The following WNK2 variants were observed in gnomAD, a reference collection of about 807,000 sequenced individuals.
WNK2 encodes serine/threonine-protein kinase WNK2.
A neutral mutation model predicts 192.1 loss-of-function variants in WNK2; 67 were observed. The ratio of observed to expected loss-of-function variants is 0.35; its 90% confidence interval spans 0.29 to 0.43. The LOEUF (loss-of-function observed/expected upper bound fraction) is 0.43, where lower values mean the gene tolerates loss of function less well. Among genes scored for constraint, WNK2 ranks in the 20% least tolerant of loss-of-function variants. WNK2 has a pLI of 1.00. For synonymous variants in WNK2, 1,439 were observed against 1,393.9 expected (o/e 1.03, Z -0.72); for missense variants, 2,698 against 3,089.7 (o/e 0.87, Z 3.01).
chr9:93,292,198 G>A, intron 21 of WNK2, 110 bp from the exon 22 acceptor site: 2 of 1,110,300 alleles, frequency 1.8e-6, no homozygotes, highest in South Asian at 1.3e-5. Context: ...TGTCCTGCCT[G>A]TCTGGAGGCA....
intron 2 of WNK2, among the ~76,000 whole-genome samples, chr9:93,206,758 G>A (rs75932720): frequency 0.011 from 1,747 of 152,266 alleles, 43 homozygotes; most frequent in Admixed American, 0.051. Context: ...TCTTGGGGAG[G>A]GCAGCCAGAA....
Position 93,260,579 on chromosome 9 carries a change from C to T in WNK2, c.3066+965C>T, listed in dbSNP as rs905098381. Among the ~76,000 whole-genome samples, 8 of 152,314 alleles carry T rather than the reference C, an allele frequency of 5.3e-5. No individual in the cohort carries two copies. The South Asian group carries it at 6.2e-4, about 12-fold the overall frequency. The stretch of plus-strand genomic sequence containing the variant: ...CCTGGTGCCAGGTGCCCCCCAGCTC[C>T]GTTAGTGCTGAATCCAGACTGGAGT... On this transcript the variant is annotated intron_variant, in intron 12 of 29. Transcript: ENST00000427277.
intron 2 of WNK2, among the ~76,000 whole-genome samples, chr9:93,220,609 G>A (rs529319383): frequency 9.8e-5 from 15 of 152,330 alleles, no homozygotes; most frequent in Admixed American, 9.8e-4. Context: ...TCTCCCTGAG[G>A]CCCTAGCTGG....
At chr9:93,250,091 TTAATACAAAAATAA>T (rs1842345474) in intron 8 of WNK2, among the ~76,000 whole-genome samples, 1 of 151,700 alleles carries the variant, frequency 6.6e-6, no homozygotes, top group Non-Finnish European at 1.5e-5. Context: ...TTTTTGTATT[TTAATACAAAAATAA>T]TAATACAAAA....
intron 24 of WNK2, 106 bp downstream of exon 24, chr9:93,298,173 C>G (rs1419579440): frequency 8.1e-7 from 1 of 1,233,538 alleles, no homozygotes; most frequent in Admixed American, 2.1e-5. Flanking sequence ...CCTGGAAGAC[C>G]ACTCGGGGTT....
rs1407281814 is a variant in WNK2 at position 93,292,911 on chromosome 9, G to T, written c.5446G>T (p.Ala1816Ser). 2.6e-6 allele frequency: 4 copies of T among 1,523,846 alleles called. No homozygotes were observed. The highest frequency in any genetic ancestry group is 3.5e-6 in the Non-Finnish European group (4 of 1,136,350). 94.4% of individuals were successfully genotyped at this position (1,523,846 alleles called of 1,614,324 possible). ...SSDSGDEGPR[A>S]RPPVQKQASL... ...CGACTCTGGGGACGAGGGCCCTCGG[G>T]CGAGACCCCCGGTGCAGAAGCAGGC... The change falls in exon 23 of 30, where the codon GCG becomes TCG. Residue 1816 changes from alanine (A) to serine (S), a missense_variant. By Grantham distance (99) the Ala-to-Ser change is moderately conservative (BLOSUM62 1). Coordinates refer to ENST00000427277, the MANE Select transcript of WNK2 (RefSeq NM_006648.4).
At chr9:93,190,239 C>G (rs1830088209) in intron 2 of WNK2, among the ~76,000 whole-genome samples, 1 of 152,192 alleles carries the variant, frequency 6.6e-6, no homozygotes, top group East Asian at 1.9e-4. Flanking sequence ...GCCAAGCTCT[C>G]AGTGGTGCTT....
Position 93,247,135 on chromosome 9 carries a change from G to A in WNK2, c.1543-408G>A, listed in dbSNP as rs186519430. Among the ~76,000 whole-genome samples, 401 of 152,326 alleles carry A rather than the reference G, an allele frequency of 2.6e-3. No homozygotes were observed. The highest frequency in any genetic ancestry group is 9.1e-3 in the African/African-American group (377 of 41,570). On this transcript the variant is annotated intron_variant, in intron 7 of 29. Coordinates refer to ENST00000427277, the MANE Select transcript of WNK2 (RefSeq NM_006648.4). This position sits in a 1 kb window ranked among gnomAD's most constrained non-coding sequence, Gnocchi z 5.2. ...TGGCCCCGTTCCCCATCTTTGGGCAGCCCCAGACTCAGAGACGTTTCAGGA... is the reference window on the plus strand; with the variant it reads ...TGGCCCCGTTCCCCATCTTTGGGCAACCCCAGACTCAGAGACGTTTCAGGA...
intron 3 of WNK2, among the ~76,000 whole-genome samples, chr9:93,230,635 G>A (rs1838617279): frequency 6.6e-6 from 1 of 152,254 alleles, no homozygotes; most frequent in Non-Finnish European, 1.5e-5. Flanking sequence ...AGCTTAGTAT[G>A]AGCTTTAGTA....
At chr9:93,290,672 C>T (rs1176580547) in intron 21 of WNK2, among the ~76,000 whole-genome samples, 1 of 152,210 alleles carries the variant, frequency 6.6e-6, no homozygotes, top group Non-Finnish European at 1.5e-5. Context: ...ACAAGATGCC[C>T]ACAAAAACCC....
chr9:93,253,943 G>T (rs150681304), intron 9 of WNK2, among the ~76,000 whole-genome samples: 2 of 152,158 alleles, frequency 1.3e-5, no homozygotes, highest in African/African-American at 4.8e-5. Context: ...TTGAGATGGA[G>T]TCTTGCTCTG....
At chr9:93,268,981 A>C (rs1386612856) in intron 19 of WNK2, 3 of 1,538,852 alleles carry the variant, frequency 1.9e-6, no homozygotes, top group Non-Finnish European at 2.6e-6. Flanking sequence ...CCCACCAAGT[A>C]GGTGGCTCGC....
intron 8 of WNK2, among the ~76,000 whole-genome samples, chr9:93,250,683 G>A (rs1588179256): frequency 6.6e-6 from 1 of 152,174 alleles, no homozygotes; most frequent in African/African-American, 2.4e-5. Flanking sequence ...CTTCCTTGGT[G>A]ACTCTATTTA....
At chr9:93,262,147 G>T in intron 13 of WNK2, 40 bp downstream of exon 13, 3 of 1,538,378 alleles carry the variant, frequency 2.0e-6, no homozygotes, top group Non-Finnish European at 2.6e-6. Context: ...TGACTGGGCA[G>T]TTGCGGCCAC....
chr9:93,242,543 G>A (rs559710767), intron 7 of WNK2, among the ~76,000 whole-genome samples: 4 of 152,350 alleles, frequency 2.6e-5, no homozygotes, highest in Non-Finnish European at 5.9e-5. Flanking sequence ...TAATACAGCT[G>A]TCCGTTCACA....
chr9:93,220,283 G>A (rs7865467), intron 2 of WNK2, among the ~76,000 whole-genome samples: 23,650 of 152,138 alleles, frequency 0.16, 2,088 homozygotes, highest in East Asian at 0.27. Context: ...TAGTGTCTGA[G>A]CCTAGGTTCC....
chr9:93,292,988 C>G lies in WNK2; in HGVS notation c.5523C>G (p.Thr1841=). 1 of 1,561,762 alleles carries G rather than the reference C, an allele frequency of 6.4e-7. No homozygotes were observed. The highest frequency in any genetic ancestry group is 8.6e-7 in the Non-Finnish European group (1 of 1,156,500). ...CTGGCGACTTCGTGAAGAAGGCCAC[C>G]GCCTTCCTGCAGAGGCCTTCTCGGG... ...SVAGDFVKKA[T]AFLQRPSRAG... is the part of the protein sequence containing the mutation. The change falls in exon 23 of 30, where the codon ACC becomes ACG. Residue 1841 remains threonine (T), a synonymous_variant. Coordinates refer to ENST00000427277, the MANE Select transcript of WNK2 (RefSeq NM_006648.4).
chr9:93,307,352 C>A (rs1208287447), intron 27 of WNK2: 1 of 152,946 alleles, frequency 6.5e-6, no homozygotes, highest in Non-Finnish European at 1.5e-5. Flanking sequence ...TGTGTCTGTG[C>A]TTTTTCATTG....
chr9:93,211,478 TCACTCACTCATC>T (rs1411322429), intron 2 of WNK2, among the ~76,000 whole-genome samples: 19 of 133,746 alleles, frequency 1.4e-4, no homozygotes, highest in Non-Finnish European at 2.9e-4. Flanking sequence ...TCCCATCCAC[TCACTCACTCATC>T]CACTCATTCA....
Sources: gnomAD v4.1 joint callset for allele counts (sites outside exome capture counted in the v4.1 genomes callset) on GRCh38, gnomAD v4.1.1 for gene constraint, Gnocchi (gnomAD v3.1) non-coding constraint, MANE v1.5 for transcripts, NCBI Gene and HGNC (gene_info 2026-07-23, HGNC 2026-07-21) for gene names.